GALNT13: variants seen among roughly 807,000 people sequenced by gnomAD.
GALNT13 encodes polypeptide N-acetylgalactosaminyltransferase 13, also known as UDP-GalNAc:polypeptide N-acetylgalactosaminyltransferase 13.
A neutral mutation model predicts 64.2 loss-of-function variants in GALNT13; 28 were observed. The observed-to-expected ratio is 0.44, with a 90% CI of 0.32 to 0.60. The LOEUF (loss-of-function observed/expected upper bound fraction) is 0.60, where lower values mean the gene tolerates loss of function less well. GALNT13 is among the 20% of genes least tolerant of loss of function. GALNT13 has a pLI of 0.05. For synonymous variants in GALNT13, 214 were observed against 224.6 expected, an observed-to-expected ratio of 0.95 and a Z score of 0.42; for missense variants, 577 against 669.8, an observed-to-expected ratio of 0.86 and a Z score of 1.53.
chr2:153,802,993 C>T, the GALNT13 span, among the ~76,000 whole-genome samples: 3 of 152,162 alleles, frequency 2.0e-5, no homozygotes, highest in Non-Finnish European at 2.9e-5. Context: ...GCTGTGTGAT[C>T]TTCACAACTC....
the GALNT13 span, among the ~76,000 whole-genome samples, chr2:153,649,412 C>A: frequency 2.6e-5 from 4 of 151,286 alleles, no homozygotes; most frequent in East Asian, 3.9e-4. Context: ...TTTCAAAAAA[C>A]CAGCTCCTGG....
chr2:153,069,771 A>C, the GALNT13 span, among the ~76,000 whole-genome samples: 10 of 152,248 alleles, frequency 6.6e-5, no homozygotes, highest in African/African-American at 2.4e-4. Context: ...AATGAATTTC[A>C]CCTATTTGCA....
chr2:153,206,740 G>C, the GALNT13 span, among the ~76,000 whole-genome samples: 1 of 152,028 alleles, frequency 6.6e-6, no homozygotes, highest in Non-Finnish European at 1.5e-5. Context: ...GTTTGAAATG[G>C]TGATGTGATT....
chr2:153,857,106 T>C, the GALNT13 span, among the ~76,000 whole-genome samples: 4 of 152,274 alleles, frequency 2.6e-5, no homozygotes, highest in South Asian at 8.3e-4. Flanking sequence ...ACTTGGTTTT[T>C]AGTGATATGC....
the GALNT13 span, among the ~76,000 whole-genome samples, chr2:153,461,745 C>T: frequency 6.6e-6 from 1 of 152,072 alleles, no homozygotes; most frequent in Non-Finnish European, 1.5e-5. Context: ...TGCAAATCCA[C>T]AACCCAGAAC....
chr2:154,204,436 G>A (rs565838776), intron 4 of GALNT13, among the ~76,000 whole-genome samples: 16 of 152,004 alleles, frequency 1.1e-4, no homozygotes, highest in Middle Eastern at 3.2e-3. Context: ...TTCAAGGCAC[G>A]ATAACTTGAA....
At chr2:153,544,064 A>G in the GALNT13 span, among the ~76,000 whole-genome samples, 20 of 152,228 alleles carry the variant, frequency 1.3e-4, no homozygotes, top group Non-Finnish European at 2.6e-4. Flanking sequence ...TGTGCTCCAC[A>G]TAAATATTCA....
the GALNT13 span, among the ~76,000 whole-genome samples, chr2:153,248,464 C>T: frequency 2.0e-5 from 3 of 151,978 alleles, no homozygotes; most frequent in African/African-American, 4.8e-5. Flanking sequence ...GCAAAAACCG[C>T]TTGATTATTT....
At chr2:153,204,420 C>T in the GALNT13 span, among the ~76,000 whole-genome samples, 14 of 152,306 alleles carry the variant, frequency 9.2e-5, no homozygotes, top group South Asian at 2.1e-4. Context: ...TTGTATATGG[C>T]GCATTTGGGA....
chr2:153,986,149 G>A (rs12693888), intron 3 of GALNT13, among the ~76,000 whole-genome samples: 116,210 of 151,904 alleles, frequency 0.77, 44,841 homozygotes, highest in East Asian at 0.96. Flanking sequence ...TCAGTACCTC[G>A]TATTTACTTT....
chr2:153,951,506 A>T (rs1558871055), intron 3 of GALNT13, among the ~76,000 whole-genome samples: 1 of 152,132 alleles, frequency 6.6e-6, no homozygotes, highest in Non-Finnish European at 1.5e-5. Context: ...GGCATTTAAG[A>T]TATGATATTA....
chr2:153,328,255 G>A, the GALNT13 span, among the ~76,000 whole-genome samples: 1 of 152,192 alleles, frequency 6.6e-6, no homozygotes, highest in Non-Finnish European at 1.5e-5. Context: ...TCTGGGAGGT[G>A]TCTTTCAGTC....
At chr2:153,114,026 A>G in the GALNT13 span, among the ~76,000 whole-genome samples, 573 of 152,182 alleles carry the variant, frequency 3.8e-3, 4 homozygotes, top group South Asian at 0.017. Context: ...TTAGTTGCCC[A>G]ACCCCATTTT....
the GALNT13 span, among the ~76,000 whole-genome samples, chr2:153,448,774 CAGTAGGT>C: frequency 6.6e-6 from 1 of 152,134 alleles, no homozygotes; most frequent in East Asian, 1.9e-4. Flanking sequence ...AAAGGCATCA[CAGTAGGT>C]TCAGTCAAAG....
At chr2:154,411,971 A>G (rs1034143797) in intron 11 of GALNT13, among the ~76,000 whole-genome samples, 3 of 151,808 alleles carry the variant, frequency 2.0e-5, no homozygotes, top group African/African-American at 7.2e-5. Flanking sequence ...AATTAACACT[A>G]AACATGGCAC....
the GALNT13 span, among the ~76,000 whole-genome samples, chr2:153,452,974 G>T: frequency 1.3e-5 from 2 of 152,082 alleles, no homozygotes; most frequent in African/African-American, 4.8e-5. Context: ...AAGTTGCACA[G>T]CTGTAACCAT....
At chr2:154,165,712 GA>G (rs1402116239) in intron 4 of GALNT13, among the ~76,000 whole-genome samples, 1 of 152,116 alleles carries the variant, frequency 6.6e-6, no homozygotes. Flanking sequence ...AGAAGAAGAG[GA>G]AATCTAAAAG....
the GALNT13 span, among the ~76,000 whole-genome samples, chr2:153,443,020 G>T: frequency 6.6e-6 from 1 of 152,076 alleles, no homozygotes; most frequent in African/African-American, 2.4e-5. Flanking sequence ...AGACCACTTG[G>T]CTCCCTGGCT....
chr2:153,421,858 G>A, the GALNT13 span: 1 of 189,934 alleles, frequency 5.3e-6, no homozygotes, highest in Non-Finnish European at 1.1e-5. Context: ...TTGGCATTGG[G>A]CTATCGTGCT....
Sources: allele counts gnomAD v4.1 joint callset (sites outside exome capture counted in the v4.1 genomes callset), GRCh38; gene constraint gnomAD v4.1.1; transcripts MANE v1.5; gene names NCBI Gene and HGNC (gene_info 2026-07-23, HGNC 2026-07-21).